Variants in TMCC1 observed in about 807,000 individuals in gnomAD.
The protein encoded by TMCC1 is transmembrane and coiled-coil domain family 1.
TMCC1 carries 15 observed loss-of-function variants against 52.4 expected under a neutral mutation model. The observed-to-expected ratio is 0.29, with a 90% CI of 0.19 to 0.44. The LOEUF (loss-of-function observed/expected upper bound fraction) is 0.44. Ranked by LOEUF, TMCC1 falls within the 20% of genes least tolerant of loss-of-function variation. The pLI is 1.00. For missense variants in TMCC1, 503 were observed against 806.0 expected (o/e 0.62, Z 4.55); for synonymous variants, 279 against 301.9 (o/e 0.92, Z 0.79).
At chr3:129,722,543 T>C (rs185227381) in intron 4 of TMCC1, among the ~76,000 whole-genome samples, 2 of 152,330 alleles carry the variant, frequency 1.3e-5, no homozygotes, top group African/African-American at 4.8e-5. Flanking sequence ...GTCTCTACTC[T>C]TATAAGTTAA....
chr3:129,833,675 T>C (rs562324664), intron 2 of TMCC1, among the ~76,000 whole-genome samples: 1 of 152,216 alleles, frequency 6.6e-6, no homozygotes, highest in South Asian at 2.1e-4. Flanking sequence ...AGAAGGCTCA[T>C]TTGAGGCCAA....
chr3:129,867,802 G>C lies in TMCC1; in HGVS notation c.-184+12507C>G, dbSNP rs182704808. Among the ~76,000 whole-genome samples, 4 of 152,280 alleles carry C rather than the reference G, an allele frequency of 2.6e-5. No individual in the cohort carries two copies. The South Asian group carries it at 6.2e-4, about 24-fold the overall frequency. On this transcript the variant is annotated intron_variant, in intron 2 of 6. Coordinates refer to ENST00000393238, the MANE Select transcript of TMCC1 (RefSeq NM_001017395.5). ...TTAAAAAATAAGACCAGAATAAACTGAGTCACTGAGTCAGAGCTACAAGAC... is the reference window on the plus strand; with the variant it reads ...TTAAAAAATAAGACCAGAATAAACTCAGTCACTGAGTCAGAGCTACAAGAC...
chr3:129,879,027 G>A (rs1323077908), intron 2 of TMCC1, among the ~76,000 whole-genome samples: 3 of 152,120 alleles, frequency 2.0e-5, no homozygotes, highest in African/African-American at 7.2e-5. Context: ...GTCACCTTCT[G>A]TATGAAGCCA....
intron 2 of TMCC1, among the ~76,000 whole-genome samples, chr3:129,865,009 T>C (rs2060556698): frequency 6.6e-6 from 1 of 152,088 alleles, no homozygotes; most frequent in African/African-American, 2.4e-5. Context: ...ACACAAAAGA[T>C]ACAGGAGACT....
intron 2 of TMCC1, among the ~76,000 whole-genome samples, chr3:129,870,434 A>G (rs1408731964): frequency 6.6e-6 from 1 of 151,946 alleles, no homozygotes; most frequent in Admixed American, 6.6e-5. Flanking sequence ...ATTGTTTTTC[A>G]TTAGATATGG....
chr3:129,847,650 T>C (rs1260598139), intron 2 of TMCC1: 1 of 152,228 alleles, frequency 6.6e-6, no homozygotes, highest in Non-Finnish European at 1.5e-5. Context: ...TGTGTACAAG[T>C]CTTTTTTGTG....
intron 4 of TMCC1, among the ~76,000 whole-genome samples, chr3:129,804,388 T>G (rs1162061659): frequency 2.0e-5 from 3 of 152,320 alleles, no homozygotes; most frequent in South Asian, 4.1e-4. Context: ...GTTCTTAACT[T>G]ACAGTCTACC....
chr3:129,756,775 C>T (rs1219570272), intron 4 of TMCC1, among the ~76,000 whole-genome samples: 1 of 152,150 alleles, frequency 6.6e-6, no homozygotes, highest in Non-Finnish European at 1.5e-5. Flanking sequence ...ATTCCATTCA[C>T]ATGACTTCTG....
chr3:129,853,635 CAAA>C (rs150947206), intron 2 of TMCC1, among the ~76,000 whole-genome samples: 1 of 112,902 alleles, frequency 8.9e-6, no homozygotes, highest in Admixed American at 9.0e-5. Flanking sequence ...CACCCCACCT[CAAA>C]AAAAAAAAAA....
intron 4 of TMCC1, among the ~76,000 whole-genome samples, chr3:129,821,318 C>CT (rs1261695718): frequency 6.6e-6 from 1 of 152,072 alleles, no homozygotes; most frequent in Non-Finnish European, 1.5e-5. Flanking sequence ...TCCCTAAGCA[C>CT]TAATTACTTC....
At chr3:129,818,863 C>T (rs2058264146) in intron 4 of TMCC1, 1 of 152,340 alleles carries the variant, frequency 6.6e-6, no homozygotes, top group Non-Finnish European at 1.5e-5. Flanking sequence ...CACATGGTAT[C>T]AGTGTTGGGA....
chr3:129,777,105 A>C (rs2055104792), intron 4 of TMCC1, among the ~76,000 whole-genome samples: 1 of 152,230 alleles, frequency 6.6e-6, no homozygotes. Context: ...ATAACTGTTC[A>C]AAGAGTGGTA....
At chr3:129,663,169 T>C (rs1576356987) in intron 5 of TMCC1, among the ~76,000 whole-genome samples, 1 of 152,040 alleles carries the variant, frequency 6.6e-6, no homozygotes, top group Non-Finnish European at 1.5e-5. Flanking sequence ...CCTGGGTGAG[T>C]ACACAGCCTG....
intron 4 of TMCC1, among the ~76,000 whole-genome samples, chr3:129,687,899 C>G (rs920082572): frequency 6.6e-6 from 1 of 152,162 alleles, no homozygotes; most frequent in Admixed American, 6.5e-5. Flanking sequence ...ATAATTATGA[C>G]TATTCAAAGA....
At chr3:129,653,793 T>C (rs1184594184) in intron 6 of TMCC1, among the ~76,000 whole-genome samples, 2 of 152,200 alleles carry the variant, frequency 1.3e-5, no homozygotes, top group Admixed American at 6.5e-5. Flanking sequence ...TAAAAGTCTA[T>C]ATTACCAAGA....
chr3:129,675,975 T>G (rs537673235), intron 4 of TMCC1, among the ~76,000 whole-genome samples: 1 of 143,252 alleles, frequency 7.0e-6, no homozygotes, highest in East Asian at 2.0e-4. Context: ...AGGCACAGCT[T>G]GCAGTGAGCC....
chr3:129,839,117 C>A (rs549142095), intron 2 of TMCC1, among the ~76,000 whole-genome samples: 58 of 152,194 alleles, frequency 3.8e-4, no homozygotes, highest in Admixed American at 1.7e-3. Flanking sequence ...AAGTGAGAAG[C>A]TTGAATCTAC....
At position 129,828,196 on chromosome 3, in the gene TMCC1, C is replaced by T. The variant is rs759899503; in HGVS notation, c.183G>A (p.Arg61=). 1.2e-6 allele frequency: 2 copies of T among 1,614,022 alleles called. No homozygotes were observed. Among genetic ancestry groups the T allele is most frequent in the South Asian group, 1.1e-5 (1 of 91,082 alleles). ...GLKHLFQHQR[R]RSSVSPHDVQ... is the part of the protein sequence containing the mutation. ...CATCATGTGGAGACACTGATGACCTCCTGCGCTGGTGCTGGAAGAGATGCT... is the reference window on the plus strand; with the variant it reads ...CATCATGTGGAGACACTGATGACCTTCTGCGCTGGTGCTGGAAGAGATGCT... The change falls in exon 4 of 7, where the codon AGG becomes AGA. Residue 61 remains arginine (R), a synonymous_variant. Coordinates refer to ENST00000393238, the MANE Select transcript of TMCC1 (RefSeq NM_001017395.5). The surrounding 1 kb of genome is among the most constrained non-coding windows in gnomAD (Gnocchi z 4.1).
At chr3:129,777,110 G>A (rs1478019264) in intron 4 of TMCC1, among the ~76,000 whole-genome samples, 2 of 152,186 alleles carry the variant, frequency 1.3e-5, no homozygotes, top group Admixed American at 1.3e-4. Flanking sequence ...TGTTCAAAGA[G>A]TGGTATAATC....
Sources: gnomAD v4.1 joint callset for allele counts (sites outside exome capture counted in the v4.1 genomes callset) on GRCh38, gnomAD v4.1.1 for gene constraint, Gnocchi (gnomAD v3.1) non-coding constraint, MANE v1.5 for transcripts, NCBI Gene and HGNC (gene_info 2026-07-23, HGNC 2026-07-21) for gene names.